Variants in FSTL4 observed in about 807,000 individuals in gnomAD.
The protein encoded by FSTL4 is follistatin like 4.
FSTL4 carries 28 observed loss-of-function variants against 78.2 expected under a neutral mutation model. The observed-to-expected ratio is 0.36, with a 90% CI of 0.27 to 0.49. The LOEUF is 0.49. Ranked by LOEUF, FSTL4 falls within the 20% of genes least tolerant of loss-of-function variation. The pLI, the probability that FSTL4 is intolerant of heterozygous loss-of-function variation, is 0.98. For synonymous variants in FSTL4, 422 were observed against 440.5 expected (o/e 0.96, Z 0.53); for missense variants, 922 against 1,084.9 (o/e 0.85, Z 2.11).
At chr5:133,657,181 C>T in the FSTL4 span, among the ~76,000 whole-genome samples, 2 of 152,138 alleles carry the variant, frequency 1.3e-5, no homozygotes. Flanking sequence ...TGTGCTGTAA[C>T]CCCTCCCACC....
chr5:133,400,097 T>C (rs775951779), intron 4 of FSTL4, among the ~76,000 whole-genome samples: 38 of 152,222 alleles, frequency 2.5e-4, no homozygotes, highest in Non-Finnish European at 4.4e-4. Context: ...GCTGCCCTAA[T>C]GGTTCTTACC....
chr5:133,701,513 C>CCCA, the FSTL4 span, among the ~76,000 whole-genome samples: 2 of 85,162 alleles, frequency 2.3e-5, no homozygotes, highest in African/African-American at 8.7e-5. Context: ...ACACACACCC[C>CCCA]ACAGGCCAGC....
At chr5:133,408,651 AAGTAACAC>A (rs1193068700) in intron 3 of FSTL4, among the ~76,000 whole-genome samples, 2 of 152,262 alleles carry the variant, frequency 1.3e-5, no homozygotes, top group East Asian at 3.9e-4. Context: ...GCTGGGTCTC[AAGTAACAC>A]AGTAACACAG....
At chr5:133,278,091 A>G (rs1561654111) in intron 6 of FSTL4, among the ~76,000 whole-genome samples, 1 of 152,200 alleles carries the variant, frequency 6.6e-6, no homozygotes, top group South Asian at 2.1e-4. Context: ...GGGTGCCCCC[A>G]GGATCACCCC....
the FSTL4 span, among the ~76,000 whole-genome samples, chr5:133,665,566 C>A: frequency 6.6e-6 from 1 of 152,168 alleles, no homozygotes; most frequent in Non-Finnish European, 1.5e-5. Context: ...CCAGATATTG[C>A]CTTGACCTGT....
intron 3 of FSTL4, among the ~76,000 whole-genome samples, chr5:133,424,665 G>A (rs1362778906): frequency 1.3e-5 from 2 of 152,198 alleles, no homozygotes; most frequent in Non-Finnish European, 2.9e-5. Context: ...AGGGAAGGCT[G>A]GTCTGGACAG....
At chr5:133,212,401 A>G (rs1216303962) in intron 13 of FSTL4, among the ~76,000 whole-genome samples, 1 of 152,226 alleles carries the variant, frequency 6.6e-6, no homozygotes, top group East Asian at 1.9e-4. Flanking sequence ...ATGGCAGCCA[A>G]GAGATCTGAT....
chr5:133,534,574 CAT>C (rs1289638432), intron 3 of FSTL4, among the ~76,000 whole-genome samples: 50 of 152,282 alleles, frequency 3.3e-4, no homozygotes, highest in African/African-American at 1.2e-3. Flanking sequence ...ATTCAGAACT[CAT>C]AAGGTCCAGC....
the FSTL4 span, among the ~76,000 whole-genome samples, chr5:133,805,687 T>A: frequency 6.6e-6 from 1 of 152,222 alleles, no homozygotes; most frequent in Non-Finnish European, 1.5e-5. Flanking sequence ...CCCAGATAGC[T>A]GTTCCACCTC....
intron 3 of FSTL4, among the ~76,000 whole-genome samples, chr5:133,542,285 ACAT>A (rs758249863): frequency 1.3e-5 from 2 of 152,200 alleles, no homozygotes; most frequent in Non-Finnish European, 2.9e-5. Flanking sequence ...GTGGTGAAAT[ACAT>A]CAAGAGACTT....
intron 3 of FSTL4, among the ~76,000 whole-genome samples, chr5:133,545,122 TCAC>T (rs1387695351): frequency 6.6e-6 from 1 of 152,166 alleles, no homozygotes; most frequent in African/African-American, 2.4e-5. Context: ...CAGGGGCTGG[TCAC>T]CAGAAATATC....
At chr5:133,668,189 C>T in the FSTL4 span, among the ~76,000 whole-genome samples, 1 of 152,190 alleles carries the variant, frequency 6.6e-6, no homozygotes, top group Admixed American at 6.5e-5. Context: ...TCAGTCACTG[C>T]AGGCACGCTT....
At chr5:133,373,412 T>C (rs1458150398) in intron 4 of FSTL4, among the ~76,000 whole-genome samples, 2 of 152,194 alleles carry the variant, frequency 1.3e-5, no homozygotes, top group African/African-American at 4.8e-5. Flanking sequence ...AAACACATCC[T>C]GAGAGTAAGA....
At chr5:133,341,891 C>T (rs1048581309) in intron 4 of FSTL4, among the ~76,000 whole-genome samples, 7 of 152,172 alleles carry the variant, frequency 4.6e-5, no homozygotes, top group African/African-American at 1.4e-4. Context: ...TGACAGTCAA[C>T]CCCCACCTCT....
chr5:133,822,258 A>G, the FSTL4 span, among the ~76,000 whole-genome samples: 1 of 152,134 alleles, frequency 6.6e-6, no homozygotes, highest in Non-Finnish European at 1.5e-5. Flanking sequence ...AGCTATTTCA[A>G]TTTTTAGGGG....
intron 4 of FSTL4, among the ~76,000 whole-genome samples, chr5:133,318,113 C>A (rs1753954034): frequency 6.6e-6 from 1 of 152,212 alleles, no homozygotes; most frequent in South Asian, 2.1e-4. Flanking sequence ...TTTCCTCCTG[C>A]ATGTTTATTT....
intron 3 of FSTL4, among the ~76,000 whole-genome samples, chr5:133,496,081 C>T (rs950351382): frequency 6.6e-6 from 1 of 152,182 alleles, no homozygotes; most frequent in African/African-American, 2.4e-5. Context: ...ATGCCACCTG[C>T]AGCACATAAC....
chr5:133,611,437 C>A lies in FSTL4; in HGVS notation c.-11+888G>T, dbSNP rs1041012642. On this transcript the variant is annotated intron_variant, in intron 1 of 15. Coordinates refer to ENST00000265342, the MANE Select transcript of FSTL4 (RefSeq NM_015082.2). This position sits in a 1 kb window ranked among gnomAD's most constrained non-coding sequence, Gnocchi z 4.9. ...CGTCAGCTCGTCCCCAAACTCGAGG[C>A]GACAGGCGCCGAAAGCAGAGTGCTG... Among the ~76,000 whole-genome samples the A allele has an allele frequency of 2.6e-5, 4 of 152,230 alleles. No individual in the cohort carries two copies. In the East Asian group the frequency reaches 7.7e-4, roughly 29 times the overall value.
chr5:133,445,187 C>T (rs1056806807), intron 3 of FSTL4, among the ~76,000 whole-genome samples: 3 of 152,354 alleles, frequency 2.0e-5, no homozygotes, highest in South Asian at 2.1e-4. Flanking sequence ...ATGGGAGGTG[C>T]CATTTACTTT....
Sources: allele counts gnomAD v4.1 joint callset (sites outside exome capture counted in the v4.1 genomes callset), GRCh38; gene constraint gnomAD v4.1.1; non-coding constraint Gnocchi (gnomAD v3.1); transcripts MANE v1.5; gene names NCBI Gene and HGNC (gene_info 2026-07-23, HGNC 2026-07-21).